The following CADM2 variants were observed in gnomAD, a reference collection of about 807,000 sequenced individuals.
CADM2 encodes the protein cell adhesion molecule 2.
In CADM2, 12 loss-of-function variants were observed where a neutral mutation model predicts 49.8. The observed-to-expected ratio is 0.24, with a 90% CI of 0.15 to 0.39. CADM2 has a LOEUF of 0.39. CADM2 is among the 10% of genes least tolerant of loss of function. The probability of loss-of-function intolerance (pLI) is 1.00; values close to 1 mark genes in which losing one functional copy is unlikely to be tolerated. For synonymous variants in CADM2, 214 were observed against 175.4 expected (o/e 1.22, Z -1.74); for missense variants, 378 against 492.3 (o/e 0.77, Z 2.20).
In CADM2 at chr3:86,069,953, G is replaced by T. The variant is rs773536550; in HGVS notation, c.*3170G>T. The T allele has an allele frequency of 6.6e-6, 1 of 151,892 alleles. No individual in the cohort carries two copies. The highest frequency in any genetic ancestry group is 1.5e-5 in the Non-Finnish European group (1 of 67,848). The allele number at this position is 151,892 out of a possible 1,614,324, so 9.4% of individuals were successfully genotyped here. On this transcript the variant is annotated 3_prime_UTR_variant, in exon 10 of 10. Transcript: ENST00000383699. ...AGAGCGCATGAGCAGAGTACTGATG[G>T]TGTGCGTGTTTGTGTGTGTGTATAT...
chr3:85,149,730 G>GA (rs2039864476), intron 1 of CADM2, among the ~76,000 whole-genome samples: 1 of 151,980 alleles, frequency 6.6e-6, no homozygotes, highest in Admixed American at 6.6e-5. Flanking sequence ...CCGTCTCAAA[G>GA]AAAAAAATAT....
intron 1 of CADM2, among the ~76,000 whole-genome samples, chr3:85,215,294 C>T (rs571736166): frequency 6.8e-6 from 1 of 146,620 alleles, no homozygotes; most frequent in African/African-American, 2.6e-5. Flanking sequence ...CAGGACTCTA[C>T]CTAGTGGCAT....
At chr3:85,139,671 T>C (rs2039519052) in intron 1 of CADM2, among the ~76,000 whole-genome samples, 1 of 152,156 alleles carries the variant, frequency 6.6e-6, no homozygotes, top group Non-Finnish European at 1.5e-5. Flanking sequence ...AAAAAAGCCA[T>C]GTAATAGAAT....
At chr3:85,171,180 C>T (rs1396730765) in intron 1 of CADM2, among the ~76,000 whole-genome samples, 2 of 152,072 alleles carry the variant, frequency 1.3e-5, no homozygotes, top group South Asian at 2.1e-4. Context: ...ATTATGTCAT[C>T]GTGTATGGTA....
chr3:85,198,131 G>A (rs2041391629), intron 1 of CADM2, among the ~76,000 whole-genome samples: 1 of 151,606 alleles, frequency 6.6e-6, no homozygotes, highest in Non-Finnish European at 1.5e-5. Context: ...AGTTATACTA[G>A]TACACATGTA....
chr3:85,818,427 G>T (rs943716558), intron 3 of CADM2, among the ~76,000 whole-genome samples: 2 of 152,102 alleles, frequency 1.3e-5, no homozygotes, highest in African/African-American at 4.8e-5. Flanking sequence ...GCTTGACACT[G>T]GCAGCTACTT....
At chr3:85,258,512 A>T (rs932343767) in intron 1 of CADM2, among the ~76,000 whole-genome samples, 2 of 150,942 alleles carry the variant, frequency 1.3e-5, no homozygotes, top group African/African-American at 2.4e-5. Context: ...AAAAAAAAAA[A>T]CTCACAGTCC....
intron 8 of CADM2, among the ~76,000 whole-genome samples, chr3:86,039,536 A>T (rs1332213189): frequency 6.6e-6 from 1 of 152,096 alleles, no homozygotes; most frequent in Non-Finnish European, 1.5e-5. Flanking sequence ...AGGCTGGGGG[A>T]GGGGTGCCCA....
Position 86,025,078 on chromosome 3 carries a change from C to T in CADM2, c.971-40527C>T, listed in dbSNP as rs139950457. On this transcript the variant is annotated intron_variant, in intron 8 of 9. Coordinates refer to ENST00000383699, the MANE Select transcript of CADM2 (RefSeq NM_001167675.2). ...TTTTTGTTTTGTTTTGTTTTGGAGA[C>T]GGAGTCTCTCTCTGTCGCCCAGGCC... 3.7e-3 allele frequency among the ~76,000 whole-genome samples: 566 copies of T among 151,004 alleles called. 2 individuals carry two copies. The highest frequency in any genetic ancestry group is 0.013 in the African/African-American group (535 of 41,188).
At chr3:85,109,319 A>G (rs1345299039) in intron 1 of CADM2, among the ~76,000 whole-genome samples, 3 of 152,134 alleles carry the variant, frequency 2.0e-5, no homozygotes, top group East Asian at 3.9e-4. Flanking sequence ...AAAATAGATG[A>G]TAAAGATAGC....
chr3:86,039,020 T>C (rs1735506804), intron 8 of CADM2, among the ~76,000 whole-genome samples: 1 of 152,190 alleles, frequency 6.6e-6, no homozygotes, highest in Non-Finnish European at 1.5e-5. Flanking sequence ...TCTCTATATG[T>C]CCGTACTCTT....
At chr3:85,490,157 C>T (rs1576646475) in intron 1 of CADM2, among the ~76,000 whole-genome samples, 1 of 151,812 alleles carries the variant, frequency 6.6e-6, no homozygotes, top group African/African-American at 2.4e-5. Context: ...ATTTAATTCT[C>T]GCAGAAATCA....
intron 3 of CADM2, among the ~76,000 whole-genome samples, chr3:85,865,340 T>C (rs2108334858): frequency 6.6e-6 from 1 of 152,250 alleles, no homozygotes; most frequent in South Asian, 2.1e-4. Flanking sequence ...TCTGCTTACT[T>C]TATTTATTTA....
At chr3:85,198,081 A>G (rs898307322) in intron 1 of CADM2, among the ~76,000 whole-genome samples, 3 of 151,814 alleles carry the variant, frequency 2.0e-5, no homozygotes, top group Non-Finnish European at 4.4e-5. Context: ...CTTCTTTTTT[A>G]TATTTATCTT....
At chr3:85,261,669 A>G (rs950634051) in intron 1 of CADM2, among the ~76,000 whole-genome samples, 8 of 152,144 alleles carry the variant, frequency 5.3e-5, no homozygotes, top group Non-Finnish European at 1.2e-4. Context: ...CATTTGCTTA[A>G]CAGCCACTAA....
chr3:85,781,812 A>T (rs191184898), intron 2 of CADM2, among the ~76,000 whole-genome samples: 2 of 152,320 alleles, frequency 1.3e-5, no homozygotes, highest in African/African-American at 2.4e-5. Flanking sequence ...AGTAATACCC[A>T]CAGAATCCTT....
At chr3:86,030,882 T>TCATCTGCCAAGTTACTCA (rs901625185) in intron 8 of CADM2, among the ~76,000 whole-genome samples, 1 of 151,932 alleles carries the variant, frequency 6.6e-6, no homozygotes, top group Non-Finnish European at 1.5e-5. Context: ...CCAGTTACTT[T>TCATCTGCCAAGTTACTCA]CATCTGCCAA....
At chr3:85,300,866 A>G (rs1475876078) in intron 1 of CADM2, among the ~76,000 whole-genome samples, 1 of 152,018 alleles carries the variant, frequency 6.6e-6, no homozygotes, top group Non-Finnish European at 1.5e-5. Flanking sequence ...ATTTTGCACC[A>G]TGAGCTTCAT....
At chr3:85,214,873 G>A (rs1420252043) in intron 1 of CADM2, among the ~76,000 whole-genome samples, 1 of 151,996 alleles carries the variant, frequency 6.6e-6, no homozygotes, top group Non-Finnish European at 1.5e-5. Context: ...ATCTTACCCA[G>A]GGCAGGTCTA....
Sources: gnomAD v4.1 joint callset for allele counts (sites outside exome capture counted in the v4.1 genomes callset) on GRCh38, gnomAD v4.1.1 for gene constraint, MANE v1.5 for transcripts, NCBI Gene and HGNC (gene_info 2026-07-23, HGNC 2026-07-21) for gene names.